HADHA: variants seen among roughly 807,000 people sequenced by gnomAD.
The protein encoded by HADHA is trifunctional enzyme subunit alpha, mitochondrial.
A neutral mutation model predicts 91.3 loss-of-function variants in HADHA; 59 were observed. The ratio of observed to expected loss-of-function variants is 0.65; its 90% CI spans 0.52 to 0.80. The LOEUF (loss-of-function observed/expected upper bound fraction) is 0.80. Among genes scored for constraint, HADHA ranks in the 30% least tolerant of loss-of-function variants. The pLI is 0.00. For synonymous variants in HADHA, 320 were observed against 338.9 expected (o/e 0.94, Z 0.61); for missense variants, 800 against 927.6 (o/e 0.86, Z 1.79).
In HADHA at chr2:26,244,605, G is replaced by A; in HGVS notation, c.-9C>T. 2 of 1,573,822 alleles carry A rather than the reference G, an allele frequency of 1.3e-6. No homozygotes were observed. Among genetic ancestry groups the A allele is most frequent in the Non-Finnish European group, 1.7e-6 (2 of 1,159,004 alleles). ...GCCCGGCAGGCCACCATCTTGAGCT[G>A]AAGAGGACAGCAGTGGAGAGCGCCT... On this transcript the variant is annotated 5_prime_UTR_variant, in exon 1 of 20. Transcript: ENST00000380649.
At chr2:26,208,810 G>C (rs1259263808) in intron 11 of HADHA, among the ~76,000 whole-genome samples, 3 of 152,208 alleles carry the variant, frequency 2.0e-5, no homozygotes, top group Non-Finnish European at 4.4e-5. Context: ...GGGATTGATA[G>C]CAGTCACTAA....
At chr2:26,192,500 G>A in intron 17 of HADHA, 76 bp from the exon 18 acceptor site, 2 of 861,434 alleles carry the variant, frequency 2.3e-6, no homozygotes, top group East Asian at 2.4e-5. Context: ...TCAGAACCCT[G>A]GCCTGGCCAG....
chr2:26,212,550 T>C lies in HADHA; in HGVS notation c.975+20A>G, dbSNP rs1670127798. ...TTTTCCTTTAACTGATAATAAAACA[T>C]TGAAAGGAAATAAGTTTACCTGAGA... On this transcript the variant is annotated intron_variant, in intron 10 of 19. Transcript: ENST00000380649. The C allele has an allele frequency of 2.8e-6, 4 of 1,449,382 alleles. No individual in the cohort carries two copies. The highest frequency in any genetic ancestry group is 1.1e-5 in the South Asian group (1 of 87,684). The allele number at this position is 1,449,382 out of a possible 1,614,324, so 89.8% of individuals were successfully genotyped here. A position where few individuals can be genotyped will look rare whatever the true frequency, so the allele number is the denominator to read the frequency against.
At chr2:26,223,548 C>G (rs1487043553) in intron 7 of HADHA, among the ~76,000 whole-genome samples, 1 of 152,166 alleles carries the variant, frequency 6.6e-6, no homozygotes, top group Non-Finnish European at 1.5e-5. Flanking sequence ...TGGTACACAG[C>G]CAGTGCACTG....
chr2:26,193,634 G>A lies in HADHA; in HGVS notation c.1828C>T (p.Arg610Trp), dbSNP rs267599303. 4 of 1,613,868 alleles carry A rather than the reference G, an allele frequency of 2.5e-6. No individual in the cohort carries two copies. Among genetic ancestry groups the A allele is most frequent in the Admixed American group, 1.7e-5 (1 of 59,990 alleles). The change falls in exon 17 of 20, where the codon CGG becomes TGG. Residue 610 changes from arginine to tryptophan, a missense_variant. Arg to Trp is a moderately radical substitution (Grantham distance 101). Transcript: ENST00000380649. ...AEDLGKVFGE[R>W]FGGGNPELLT... ...AGTTCTGGGTTTCCACCTCCAAACC[G>A]CTCCCCAAAGACTTTGCCCAGATCT...
chr2:26,200,500 T>C (rs1028827956), intron 13 of HADHA, among the ~76,000 whole-genome samples: 1 of 152,236 alleles, frequency 6.6e-6, no homozygotes, highest in African/African-American at 2.4e-5. Context: ...GTCTTCCCTA[T>C]TTCCTTTGCA....
chr2:26,215,141 T>C lies in HADHA; in HGVS notation c.711A>G (p.Ile237Met), dbSNP rs1221407458. The change falls in exon 8 of 20, where the codon ATA becomes ATG. Residue 237 changes from isoleucine to methionine, a missense_variant. Physicochemically the swap from Ile to Met is conservative, Grantham distance 10 (BLOSUM62 1). Coordinates refer to ENST00000380649, the MANE Select transcript of HADHA (RefSeq NM_000182.5). ...TAATTGCAACTTCTTCTAGGTATTC[T>C]ATTGTCCGTTCCTCTGGAGGTTTTA... The part of the protein sequence containing the change: ...PGLKPPEERT[I>M]EYLEEVAITF... 4.3e-6 allele frequency: 7 copies of C among 1,609,668 alleles called. No homozygotes were observed. Among genetic ancestry groups the C allele is most frequent in the East Asian group, 4.5e-5 (2 of 44,878 alleles).
At chr2:26,243,333 A>C (rs1451235225) in intron 1 of HADHA, 1 of 152,206 alleles carries the variant, frequency 6.6e-6, no homozygotes, top group Non-Finnish European at 1.5e-5. Context: ...AAAACCACCA[A>C]ACCTGTAAGG....
chr2:26,242,163 TA>T (rs1670912087), intron 1 of HADHA, among the ~76,000 whole-genome samples: 1 of 152,216 alleles, frequency 6.6e-6, no homozygotes, highest in African/African-American at 2.4e-5. Flanking sequence ...ATACTGGGAT[TA>T]TAGGCATGAG....
At chr2:26,201,725 G>A (rs1345667097) in intron 12 of HADHA, among the ~76,000 whole-genome samples, 2 of 151,910 alleles carry the variant, frequency 1.3e-5, no homozygotes, top group African/African-American at 4.8e-5. Flanking sequence ...GTGTGTCTGA[G>A]ACCACATGGT....
intron 14 of HADHA, among the ~76,000 whole-genome samples, chr2:26,197,440 G>A (rs1467735974): frequency 6.6e-6 from 1 of 152,210 alleles, no homozygotes; most frequent in African/African-American, 2.4e-5. Context: ...CTAGGATACA[G>A]GTGGGCTTTA....
rs1305529632 is a variant in HADHA, at chr2:26,234,249, T to C, written c.421A>G (p.Ile141Val). 2.5e-6 allele frequency: 4 copies of C among 1,613,854 alleles called. No homozygotes were observed. Among genetic ancestry groups the C allele is most frequent in the Non-Finnish European group, 3.4e-6 (4 of 1,179,816 alleles). Residue 141 changes from isoleucine (I) to valine (V), a missense_variant, in exon 5 of 20, where the codon ATC (isoleucine) becomes GTC (valine). Physicochemically the swap from Ile to Val is conservative, Grantham distance 29. Coordinates refer to ENST00000380649, the MANE Select transcript of HADHA (RefSeq NM_000182.5). ...CCTCCTCCCAGGCAGGATCCATTGA[T>C]GGCAGCCACAATAGGCTTTGTGGAC... ...EKSTKPIVAA[I>V]NGSCLGGGLE...
chr2:26,212,226 G>A (rs114985177), intron 10 of HADHA: 85 of 350,318 alleles, frequency 2.4e-4, no homozygotes, highest in African/African-American at 1.6e-3. Flanking sequence ...AGCTGGGACT[G>A]TGGGTGCATG....
At chr2:26,235,039 T>C (rs1422864352) in intron 4 of HADHA, 1 of 152,314 alleles carries the variant, frequency 6.6e-6, no homozygotes, top group African/African-American at 2.4e-5. Flanking sequence ...CCAGGCATGG[T>C]GGCTCATGCC....
At position 26,244,614 on chromosome 2, in the gene HADHA, A is replaced by C. The variant is rs367848053; in HGVS notation, c.-18T>G. On this transcript the variant is annotated 5_prime_UTR_variant, in exon 1 of 20. Transcript: ENST00000380649. ...GCCACCATCTTGAGCTGAAGAGGACAGCAGTGGAGAGCGCCTCTAACGGGT... is the reference window on the plus strand; with the variant it reads ...GCCACCATCTTGAGCTGAAGAGGACCGCAGTGGAGAGCGCCTCTAACGGGT... The C allele has an allele frequency of 6.4e-7, 1 of 1,565,722 alleles. No homozygotes were observed. The highest frequency in any genetic ancestry group is 1.4e-5 in the African/African-American group (1 of 73,726).
intron 17 of HADHA, 119 bp from the exon 18 acceptor site, chr2:26,192,543 T>G: frequency 1.4e-6 from 1 of 729,456 alleles, no homozygotes; most frequent in Non-Finnish European, 2.5e-6. Context: ...TCCCAGCACT[T>G]TGGGAGGCCG....
Position 26,239,121 on chromosome 2 carries a change from T to C in HADHA, c.90A>G (p.Thr30=), listed in dbSNP as rs1373668760. The change falls in exon 2 of 20, where the codon ACA becomes ACG. Residue 30 remains threonine (T), a synonymous_variant. Transcript: ENST00000380649. ...RSRGYICRNF[T]GSSALLTRTH... ...ACTTACTCAGCAAAGCAGAAGACCC[T>C]GTAAAATTGCGGCATATATAACCTG... 1.9e-6 allele frequency: 3 copies of C among 1,608,706 alleles called. No homozygotes were observed. The highest frequency in any genetic ancestry group is 2.7e-5 in the African/African-American group (2 of 74,826).
Position 26,195,177 on chromosome 2 carries a change from A to G in HADHA, c.1535T>C (p.Ile512Thr), listed in dbSNP as rs1472738112. The G allele has an allele frequency of 9.3e-6, 15 of 1,612,340 alleles. No individual in the cohort carries two copies. Among genetic ancestry groups the G allele is most frequent in the Non-Finnish European group, 1.3e-5 (15 of 1,178,480 alleles). ...PVDKMQLLEI[I>T]TTEKTSKDTS... ...GTCTTTGGAAGTTTTCTCGGTCGTG[A>G]TAATCTCCAGCAGCTGCATCTTGTC... Residue 512 changes from isoleucine (I) to threonine (T), a missense_variant, in exon 15 of 20, where the codon ATC becomes ACC. By Grantham distance (89) the Ile-to-Thr change is moderately conservative (BLOSUM62 -1). Coordinates refer to ENST00000380649, the MANE Select transcript of HADHA (RefSeq NM_000182.5).
intron 4 of HADHA, 67 bp from the exon 5 acceptor site, chr2:26,234,422 T>C: frequency 7.9e-7 from 1 of 1,258,872 alleles, no homozygotes; most frequent in Admixed American, 1.7e-5. Flanking sequence ...GTTCAATACT[T>C]ATTCACTATA....
Sources: gnomAD v4.1 joint callset for allele counts (sites outside exome capture counted in the v4.1 genomes callset) on GRCh38, gnomAD v4.1.1 for gene constraint, MANE v1.5 for transcripts, NCBI Gene and HGNC (gene_info 2026-07-23, HGNC 2026-07-21) for gene names.